Variants in DPF3 observed in about 807,000 individuals in gnomAD.
DPF3 encodes double PHD fingers 3.
In DPF3, 18 loss-of-function variants were observed where a neutral mutation model predicts 56.8. That is an observed-to-expected ratio of 0.32 (90% CI 0.22 to 0.47). DPF3 has a LOEUF of 0.47. Among genes scored for constraint, DPF3 ranks in the 20% least tolerant of loss-of-function variants. The pLI, the probability that DPF3 is intolerant of heterozygous loss-of-function variation, is 1.00. For synonymous variants in DPF3, 188 were observed against 180.2 expected, an observed-to-expected ratio of 1.04 and a Z score of -0.35; for missense variants, 403 against 488.8, an observed-to-expected ratio of 0.82 and a Z score of 1.65.
chr14:72,747,983 C>T (rs1472731442), intron 3 of DPF3, among the ~76,000 whole-genome samples: 1 of 152,156 alleles, frequency 6.6e-6, no homozygotes, highest in Non-Finnish European at 1.5e-5. Flanking sequence ...TGAAAACAGA[C>T]TAATGCAGTA....
chr14:72,669,822 C>T (rs772381264), intron 8 of DPF3: 2 of 891,838 alleles, frequency 2.2e-6, no homozygotes, highest in African/African-American at 1.8e-5. Flanking sequence ...GCCACTCTTA[C>T]ACTAAGAAGG....
chr14:72,793,315 G>A (rs1211956155), intron 1 of DPF3, among the ~76,000 whole-genome samples: 1 of 152,196 alleles, frequency 6.6e-6, no homozygotes, highest in African/African-American at 2.4e-5. Context: ...AGACACTCCT[G>A]GGGACAGAGG....
intron 3 of DPF3, among the ~76,000 whole-genome samples, chr14:72,744,288 T>G (rs1178568034): frequency 6.6e-6 from 1 of 151,328 alleles, no homozygotes; most frequent in East Asian, 1.9e-4. Context: ...CCCCACTTTT[T>G]TTGAGCCAGG....
intron 8 of DPF3, among the ~76,000 whole-genome samples, chr14:72,647,069 T>C (rs868683613): frequency 2.6e-5 from 4 of 152,112 alleles, no homozygotes; most frequent in Non-Finnish European, 5.9e-5. Flanking sequence ...TTCCCACCAC[T>C]CTCATCCTGA....
chr14:72,878,974 T>C lies in DPF3; in HGVS notation c.32+15083A>G, dbSNP rs896930961. On this transcript the variant is annotated intron_variant, in intron 1 of 10. Coordinates refer to ENST00000556509, the MANE Select transcript of DPF3 (RefSeq NM_001280542.3). ...GAGAATGAGAAACATGTCAACTTTC[T>C]AGAGTGCTAAAAGCAAACTTGGGCA... 2.6e-5 allele frequency among the ~76,000 whole-genome samples: 4 copies of C among 152,360 alleles called. No homozygotes were observed. The South Asian group carries it at 6.2e-4, about 24-fold the overall frequency.
At chr14:72,715,150 G>A (rs1293680239) in intron 5 of DPF3, among the ~76,000 whole-genome samples, 1 of 152,234 alleles carries the variant, frequency 6.6e-6, no homozygotes, top group Admixed American at 6.5e-5. Flanking sequence ...GCCTCCCTGT[G>A]TGGTCTGCCT....
chr14:72,654,216 C>T (rs1403891326), intron 8 of DPF3, among the ~76,000 whole-genome samples: 1 of 152,166 alleles, frequency 6.6e-6, no homozygotes, highest in Non-Finnish European at 1.5e-5. Flanking sequence ...CTTCCTTCCA[C>T]TCCATTCACG....
chr14:72,893,931 G>C lies in DPF3; in HGVS notation c.32+126C>G, dbSNP rs563377255. 1.6e-5 allele frequency: 17 copies of C among 1,067,864 alleles called. No individual in the cohort carries two copies. The African/African-American group carries it at 2.1e-4, about 13-fold the overall frequency. 66.1% of individuals were successfully genotyped at this position (1,067,864 alleles called of 1,614,324 possible). On this transcript the variant is annotated intron_variant, in intron 1 of 10. Transcript: ENST00000556509. ...TGAAGAAGTAAGAGCTGAAAGAAGA[G>C]AGAAGCCCCGCCGCGGCTGGAGGCG...
At chr14:72,767,760 C>CA (rs372452441) in intron 2 of DPF3, among the ~76,000 whole-genome samples, 29,773 of 71,808 alleles carry the variant, frequency 0.41, 7,025 homozygotes, top group Non-Finnish European at 0.52. Context: ...CCAAATTTGG[C>CA]AAAAAAAAAA....
intron 1 of DPF3, among the ~76,000 whole-genome samples, chr14:72,841,382 C>A (rs916968437): frequency 7.2e-5 from 11 of 152,114 alleles, no homozygotes; most frequent in African/African-American, 2.2e-4. Flanking sequence ...TTGTCAGATT[C>A]CAAAGAGGGG....
chr14:72,820,831 C>CA (rs1432514049), intron 1 of DPF3, among the ~76,000 whole-genome samples: 1 of 151,536 alleles, frequency 6.6e-6, no homozygotes, highest in African/African-American at 2.4e-5. Context: ...TCCATCTCTA[C>CA]AAAAAATTTT....
chr14:72,850,345 C>T (rs1013905108), intron 1 of DPF3, among the ~76,000 whole-genome samples: 1 of 152,132 alleles, frequency 6.6e-6, no homozygotes, highest in Non-Finnish European at 1.5e-5. Context: ...TCTTCGTCTC[C>T]TACAGGTTTA....
chr14:72,715,772 T>TGCCACCTCC, intron 5 of DPF3, among the ~76,000 whole-genome samples: 1 of 151,986 alleles, frequency 6.6e-6, no homozygotes, highest in East Asian at 2.0e-4. Context: ...CTACCACCTC[T>TGCCACCTCC]GCCACCTCCT....
intron 7 of DPF3, among the ~76,000 whole-genome samples, chr14:72,683,411 G>A (rs2153571834): frequency 6.6e-6 from 1 of 151,874 alleles, no homozygotes; most frequent in East Asian, 1.9e-4. Flanking sequence ...GGTGGGCTGT[G>A]CTTTAACAAA....
chr14:72,775,404 G>A (rs913160573), intron 1 of DPF3, among the ~76,000 whole-genome samples: 9 of 152,148 alleles, frequency 5.9e-5, no homozygotes, highest in Non-Finnish European at 1.5e-5. Context: ...CAGACAAGAG[G>A]AACAAGAAAC....
At chr14:72,836,914 C>T (rs1173047170) in intron 1 of DPF3, among the ~76,000 whole-genome samples, 1 of 152,038 alleles carries the variant, frequency 6.6e-6, no homozygotes, top group Non-Finnish European at 1.5e-5. Flanking sequence ...CTGTGGCCCA[C>T]ACTGGAGTGC....
intron 1 of DPF3, among the ~76,000 whole-genome samples, chr14:72,877,103 G>A (rs1886146505): frequency 1.3e-5 from 2 of 152,246 alleles, no homozygotes; most frequent in Admixed American, 6.5e-5. Flanking sequence ...GGGATCAGAA[G>A]GAAACCTAGG....
At chr14:72,767,222 G>A (rs371871288) in intron 2 of DPF3, among the ~76,000 whole-genome samples, 25 of 152,258 alleles carry the variant, frequency 1.6e-4, no homozygotes, top group African/African-American at 3.4e-4. Context: ...AATATCTAGC[G>A]TCTCATAACA....
intron 1 of DPF3, among the ~76,000 whole-genome samples, chr14:72,827,488 CTTTTTTTTTTTT>C (rs1182260007): frequency 3.8e-5 from 3 of 78,282 alleles, no homozygotes; most frequent in African/African-American, 1.1e-4. Context: ...TCCCTTTACT[CTTTTTTTTTTTT>C]TTTTTTTTTT....
Sources: allele counts gnomAD v4.1 joint callset (sites outside exome capture counted in the v4.1 genomes callset), GRCh38; gene constraint gnomAD v4.1.1; transcripts MANE v1.5; gene names NCBI Gene and HGNC (gene_info 2026-07-23, HGNC 2026-07-21).